Variants in PLEKHG1 observed in about 807,000 individuals in gnomAD.
PLEKHG1 encodes the protein pleckstrin homology domain-containing family G member 1.
PLEKHG1 carries 44 observed loss-of-function variants against 100.8 expected under a neutral mutation model. The observed-to-expected ratio is 0.44, with a 90% CI of 0.34 to 0.56. The LOEUF (loss-of-function observed/expected upper bound fraction) is 0.56. Among genes scored for constraint, PLEKHG1 ranks in the 20% least tolerant of loss-of-function variants. PLEKHG1 has a pLI of 0.01. For missense variants in PLEKHG1, 1,545 were observed against 1,720.9 expected (o/e 0.90, Z 1.81); for synonymous variants, 640 against 662.5 (o/e 0.97, Z 0.52).
At chr6:150,639,140 C>T (rs1778142781) in intron 2 of PLEKHG1, among the ~76,000 whole-genome samples, 1 of 152,154 alleles carries the variant, frequency 6.6e-6, no homozygotes, top group Non-Finnish European at 1.5e-5. Flanking sequence ...TTCACTGTTG[C>T]TGCTGAGAAC....
chr6:150,803,215 G>A (rs1051571132), intron 6 of PLEKHG1, among the ~76,000 whole-genome samples: 1 of 152,112 alleles, frequency 6.6e-6, no homozygotes, highest in East Asian at 1.9e-4. Flanking sequence ...GATTTACATT[G>A]TTACTACAAA....
chr6:150,635,023 A>G (rs1398914398), intron 1 of PLEKHG1, among the ~76,000 whole-genome samples: 1 of 152,196 alleles, frequency 6.6e-6, no homozygotes, highest in Middle Eastern at 3.2e-3. Flanking sequence ...TAGTTCTCAA[A>G]CCTGTTTAAT....
intron 7 of PLEKHG1, among the ~76,000 whole-genome samples, chr6:150,808,143 T>C (rs1421588282): frequency 1.3e-5 from 2 of 152,214 alleles, no homozygotes; most frequent in African/African-American, 2.4e-5. Context: ...GTGTTTATTA[T>C]GCATTGTATG....
At chr6:150,623,645 G>T (rs373633267) in intron 1 of PLEKHG1, among the ~76,000 whole-genome samples, 1 of 152,218 alleles carries the variant, frequency 6.6e-6, no homozygotes, top group Non-Finnish European at 1.5e-5. Context: ...GGCCCCCCAC[G>T]TGTGCACTGT....
chr6:150,744,711 AGTG>A (rs1227352730), intron 2 of PLEKHG1, among the ~76,000 whole-genome samples: 1 of 152,194 alleles, frequency 6.6e-6, no homozygotes, highest in East Asian at 1.9e-4. Flanking sequence ...GACATCCCTC[AGTG>A]TCACCCTGAG....
intron 1 of PLEKHG1, among the ~76,000 whole-genome samples, chr6:150,723,072 T>C (rs918357224): frequency 6.6e-6 from 1 of 152,232 alleles, no homozygotes; most frequent in Admixed American, 6.5e-5. Flanking sequence ...GGCCACTGCT[T>C]GTGCTGTGCC....
At chr6:150,778,603 G>T (rs76410808) in intron 3 of PLEKHG1, among the ~76,000 whole-genome samples, 2,007 of 152,190 alleles carry the variant, frequency 0.013, 49 homozygotes, top group African/African-American at 0.046. Flanking sequence ...GTGATATTAT[G>T]TTGTTTATTC....
At chr6:150,790,046 G>A (rs1367881290) in intron 4 of PLEKHG1, among the ~76,000 whole-genome samples, 1 of 152,040 alleles carries the variant, frequency 6.6e-6, no homozygotes, top group African/African-American at 2.4e-5. Flanking sequence ...TTGATACAGA[G>A]TTTCGCTCTT....
intron 1 of PLEKHG1, among the ~76,000 whole-genome samples, chr6:150,623,848 A>T (rs1026931012): frequency 6.6e-6 from 1 of 152,196 alleles, no homozygotes; most frequent in Non-Finnish European, 1.5e-5. Flanking sequence ...GTGCATGTGT[A>T]TGTATGATGA....
chr6:150,827,788 A>C lies in PLEKHG1; in HGVS notation c.1471-2794A>C, dbSNP rs1291275201. ...GAAGAGGAGCAGCGCATCCTCCAGCAGTCAGTGGTGAAAACATATGAAGAT... is the reference window on the plus strand; with the variant it reads ...GAAGAGGAGCAGCGCATCCTCCAGCCGTCAGTGGTGAAAACATATGAAGAT... On this transcript the variant is annotated intron_variant, in intron 14 of 15. Coordinates refer to ENST00000358517, the Ensembl canonical transcript of PLEKHG1. The C allele has an allele frequency of 2.1e-6, 3 of 1,438,734 alleles. No homozygotes were observed. In the East Asian group the frequency reaches 6.8e-5, roughly 33 times the overall value. 89.1% of individuals were successfully genotyped at this position (1,438,734 alleles called of 1,614,324 possible).
intron 1 of PLEKHG1, among the ~76,000 whole-genome samples, chr6:150,631,745 G>A (rs773050418): frequency 3.3e-4 from 50 of 152,288 alleles, no homozygotes; most frequent in Admixed American, 5.2e-4. Flanking sequence ...CAGAGCATCC[G>A]TAGAGCACGG....
chr6:150,749,045 G>C (rs888037501), intron 2 of PLEKHG1, among the ~76,000 whole-genome samples: 2 of 152,092 alleles, frequency 1.3e-5, no homozygotes, highest in African/African-American at 4.8e-5. Flanking sequence ...GAAGTGATTA[G>C]CACCGACCTG....
At chr6:150,823,805 T>C (rs573642691) in intron 14 of PLEKHG1, 129 bp downstream of exon 15, 5 of 682,768 alleles carry the variant, frequency 7.3e-6, no homozygotes, top group Admixed American at 2.7e-5. Flanking sequence ...TTTGGAAATA[T>C]GGTATTTTAC....
intron 2 of PLEKHG1, among the ~76,000 whole-genome samples, chr6:150,646,243 T>C (rs1399973090): frequency 6.6e-6 from 1 of 152,104 alleles, no homozygotes; most frequent in African/African-American, 2.4e-5. Flanking sequence ...GCAGCAGCTC[T>C]CCCCTCTCTT....
chr6:150,760,612 T>C (rs986210061), intron 2 of PLEKHG1, among the ~76,000 whole-genome samples: 45 of 150,088 alleles, frequency 3.0e-4, no homozygotes, highest in African/African-American at 1.0e-3. Context: ...CAACAGCACA[T>C]AGATTATTTC....
chr6:150,749,126 C>T (rs374414124), intron 2 of PLEKHG1, among the ~76,000 whole-genome samples: 6 of 152,152 alleles, frequency 3.9e-5, no homozygotes, highest in Non-Finnish European at 5.9e-5. Flanking sequence ...TTGGCAGTGC[C>T]GGGATGCATC....
exon 16 of PLEKHG1, chr6:150,840,689 C>T (rs803400): frequency 0.017 from 27,467 of 1,614,062 alleles, 267 homozygotes; most frequent in Non-Finnish European, 0.021. Context: ...ATGTCTGCAG[C>T]GGCAACACAT....
chr6:150,712,364 TG>T (rs1781271816), intron 3 of PLEKHG1, among the ~76,000 whole-genome samples: 2 of 152,272 alleles, frequency 1.3e-5, no homozygotes, highest in South Asian at 4.2e-4. Flanking sequence ...AAGATTGGGC[TG>T]GGGGTGTGGC....
chr6:150,634,058 A>G (rs1014430087), intron 1 of PLEKHG1, among the ~76,000 whole-genome samples: 7 of 151,802 alleles, frequency 4.6e-5, no homozygotes, highest in African/African-American at 7.3e-5. Context: ...CCTGACCTAC[A>G]TAGAGAAACC....
Sources: gnomAD v4.1 joint callset for allele counts (sites outside exome capture counted in the v4.1 genomes callset) on GRCh38, gnomAD v4.1.1 for gene constraint, MANE v1.5 for transcripts, NCBI Gene and HGNC (gene_info 2026-07-23, HGNC 2026-07-21) for gene names.